The following PTPRE variants were observed in gnomAD, a reference collection of about 807,000 sequenced individuals.
PTPRE encodes receptor-type tyrosine-protein phosphatase epsilon.
PTPRE carries 51 observed loss-of-function variants against 102.0 expected under a neutral mutation model. The observed-to-expected ratio is 0.50, with a 90% confidence interval of 0.40 to 0.63. The LOEUF (loss-of-function observed/expected upper bound fraction) is 0.63. Among genes scored for constraint, PTPRE ranks in the 30% least tolerant of loss-of-function variants. PTPRE has a pLI of 0.00. For missense variants in PTPRE, 752 were observed against 915.1 expected (o/e 0.82, Z 2.30); for synonymous variants, 345 against 348.2 (o/e 0.99, Z 0.10).
chr10:128,008,315 C>A lies in PTPRE; in HGVS notation c.-8+26019C>A, dbSNP rs1169296828. Among the ~76,000 whole-genome samples, 4 of 149,070 alleles carry A rather than the reference C, an allele frequency of 2.7e-5. No homozygotes were observed. Among genetic ancestry groups the A allele is most frequent in the African/African-American group, 9.8e-5 (4 of 40,888 alleles). ...CCTTTGCAGCCTCAGGGCATTCACA[C>A]TGCACCTCTGGCCTCCTCCTGGAGC... On this transcript the variant is annotated intron_variant, in intron 2 of 20. Transcript: ENST00000254667. This position sits in a 1 kb window ranked among gnomAD's most constrained non-coding sequence, Gnocchi z 4.0.
intron 7 of PTPRE, among the ~76,000 whole-genome samples, chr10:128,057,424 T>C (rs2093647262): frequency 6.6e-6 from 1 of 152,010 alleles, no homozygotes; most frequent in Admixed American, 6.5e-5. Context: ...GCCAGGGCCT[T>C]GGTGGGATGG....
intron 12 of PTPRE, chr10:128,068,518 G>A (rs572040564): frequency 2.8e-5 from 11 of 386,590 alleles, no homozygotes; most frequent in South Asian, 7.1e-5. Context: ...AGGAGGCTCC[G>A]GTTGATGGTG....
chr10:128,079,775 C>T, intron 20 of PTPRE, 80 bp downstream of exon 20: 2 of 1,500,464 alleles, frequency 1.3e-6, no homozygotes, highest in Non-Finnish European at 1.8e-6. Context: ...CATTAAAGGA[C>T]CTTAAGTACA....
chr10:128,006,039 A>C (rs990496772), intron 2 of PTPRE, among the ~76,000 whole-genome samples: 1 of 152,102 alleles, frequency 6.6e-6, no homozygotes, highest in East Asian at 1.9e-4. Context: ...GTCCACCCTA[A>C]TCCATGATGA....
At chr10:127,990,845 T>C (rs1017984092) in intron 2 of PTPRE, among the ~76,000 whole-genome samples, 10 of 152,204 alleles carry the variant, frequency 6.6e-5, no homozygotes, top group African/African-American at 2.2e-4. Context: ...TAATGGAAAA[T>C]TTTTATTTGA....
Position 128,066,203 on chromosome 10 carries a change from C to A in PTPRE, c.843+9C>A. On this transcript the variant is annotated intron_variant, in intron 11 of 20. Coordinates refer to ENST00000254667, the MANE Select transcript of PTPRE (RefSeq NM_006504.6). ...AGTTCTGCATACAGCCAGTAAGCATCTCTAGTTGCTGCCCTTCCAGAAAGA... is the reference window on the plus strand; with the variant it reads ...AGTTCTGCATACAGCCAGTAAGCATATCTAGTTGCTGCCCTTCCAGAAAGA... 1 of 1,612,214 alleles carries A rather than the reference C, an allele frequency of 6.2e-7. No homozygotes were observed. Among genetic ancestry groups the A allele is most frequent in the Non-Finnish European group, 8.5e-7 (1 of 1,178,488 alleles).
At chr10:128,039,255 G>A (rs909569537) in intron 2 of PTPRE, among the ~76,000 whole-genome samples, 1 of 152,168 alleles carries the variant, frequency 6.6e-6, no homozygotes, top group Non-Finnish European at 1.5e-5. Context: ...GCGGGGGTGA[G>A]GGCTTCTGTC....
intron 1 of PTPRE, among the ~76,000 whole-genome samples, chr10:127,947,924 T>A (rs924066641): frequency 6.6e-6 from 1 of 152,054 alleles, no homozygotes; most frequent in Non-Finnish European, 1.5e-5. Flanking sequence ...ATTAGAGGGG[T>A]TGAGCCAACC....
rs1207044791 is a variant in PTPRE at position 128,060,176 on chromosome 10, C to T, written c.512-763C>T. Among the ~76,000 whole-genome samples the T allele has an allele frequency of 5.3e-5, 8 of 150,576 alleles. No homozygotes were observed. In the East Asian group the frequency reaches 1.2e-3, roughly 22 times the overall value. On this transcript the variant is annotated intron_variant, in intron 7 of 20. Transcript: ENST00000254667. ...ACTACACACATGCACACCACACATA[C>T]ACCACACACACTACACACATGCACC...
chr10:128,079,010 A>G (rs374046032), intron 19 of PTPRE, among the ~76,000 whole-genome samples: 1 of 152,182 alleles, frequency 6.6e-6, no homozygotes. Flanking sequence ...GCAAATGACC[A>G]TGGTAAATGG....
intron 2 of PTPRE, among the ~76,000 whole-genome samples, chr10:127,990,282 C>G (rs1042707544): frequency 2.0e-5 from 3 of 151,570 alleles, no homozygotes; most frequent in Non-Finnish European, 4.4e-5. Context: ...CATGGTGGCA[C>G]GTGCCTGTAA....
chr10:127,913,193 A>G (rs2135138546), intron 1 of PTPRE, among the ~76,000 whole-genome samples: 1 of 152,366 alleles, frequency 6.6e-6, no homozygotes, highest in East Asian at 1.9e-4. Context: ...CCAAAGGGCC[A>G]GCGGTCTCAC....
At chr10:128,074,328 A>G (rs1253065230) in intron 17 of PTPRE, among the ~76,000 whole-genome samples, 1 of 152,218 alleles carries the variant, frequency 6.6e-6, no homozygotes, top group Non-Finnish European at 1.5e-5. Flanking sequence ...TCCATTCATC[A>G]GTTGATGGAC....
chr10:128,010,545 C>CCTTTTCTTTT (rs59253362), intron 2 of PTPRE, among the ~76,000 whole-genome samples: 32,857 of 128,074 alleles, frequency 0.26, 4,758 homozygotes, highest in East Asian at 0.31. Context: ...AAACCCTGTT[C>CCTTTTCTTTT]CTTTTCTTTT....
At chr10:127,998,731 C>T (rs1440259270) in intron 2 of PTPRE, 3 of 152,118 alleles carry the variant, frequency 2.0e-5, no homozygotes, top group Non-Finnish European at 2.9e-5. Context: ...ACTGGTGCAC[C>T]TTTGTAAGAC....
chr10:127,976,853 T>A (rs976061848), intron 1 of PTPRE, among the ~76,000 whole-genome samples: 10 of 152,224 alleles, frequency 6.6e-5, no homozygotes, highest in African/African-American at 2.2e-4. Context: ...TCAGTGCGAA[T>A]CTGAAGCCTA....
intron 1 of PTPRE, among the ~76,000 whole-genome samples, chr10:127,947,733 G>T (rs182510178): frequency 7.2e-5 from 11 of 152,304 alleles, no homozygotes; most frequent in African/African-American, 2.6e-4. Flanking sequence ...TTTATGGAAA[G>T]AATCTGGACT....
intron 7 of PTPRE, among the ~76,000 whole-genome samples, chr10:128,057,933 T>C (rs1849141629): frequency 1.3e-5 from 2 of 152,226 alleles, no homozygotes; most frequent in South Asian, 4.1e-4. Flanking sequence ...GAATAATGTG[T>C]GTCAAATTTG....
At chr10:127,923,478 A>G (rs1310353186) in intron 1 of PTPRE, among the ~76,000 whole-genome samples, 3 of 139,578 alleles carry the variant, frequency 2.1e-5, no homozygotes, top group African/African-American at 8.3e-5. Flanking sequence ...AACTCGGCTC[A>G]CCGCAACCTC....
Sources: allele counts gnomAD v4.1 joint callset (sites outside exome capture counted in the v4.1 genomes callset), GRCh38; gene constraint gnomAD v4.1.1; non-coding constraint Gnocchi (gnomAD v3.1); transcripts MANE v1.5; gene names NCBI Gene and HGNC (gene_info 2026-07-23, HGNC 2026-07-21).